The following GALK2 variants were observed in gnomAD, a reference collection of about 807,000 sequenced individuals.
GALK2 encodes galactokinase 2, also known as N-acetylgalactosamine kinase.
A neutral mutation model predicts 52.4 loss-of-function variants in GALK2; 36 were observed. The observed-to-expected ratio is 0.69, with a 90% CI of 0.53 to 0.91. The LOEUF is 0.91. Ranked by LOEUF, GALK2 falls within the 40% of genes least tolerant of loss-of-function variation. The pLI, the probability that GALK2 is intolerant of heterozygous loss-of-function variation, is 0.00. For missense variants in GALK2, 579 were observed against 559.1 expected (o/e 1.04, Z -0.36); for synonymous variants, 176 against 199.1 (o/e 0.88, Z 0.98).
At chr15:49,156,840 A>G (rs2084472811) in intron 1 of GALK2, 4 of 728,356 alleles carry the variant, frequency 5.5e-6, no homozygotes, top group South Asian at 4.5e-5. Context: ...AAAGCAATAC[A>G]ATCAAAATGA....
intron 3 of GALK2, among the ~76,000 whole-genome samples, chr15:49,221,653 G>A (rs2089800612): frequency 6.6e-6 from 1 of 151,512 alleles, no homozygotes; most frequent in Admixed American, 6.6e-5. Flanking sequence ...GGCAACAAGA[G>A]CAAAATCTCT....
At chr15:49,234,015 T>C (rs1314119408) in intron 3 of GALK2, among the ~76,000 whole-genome samples, 2 of 152,214 alleles carry the variant, frequency 1.3e-5, no homozygotes, top group South Asian at 2.1e-4. Flanking sequence ...TTAAAAGAGA[T>C]AATGTATCCA....
At chr15:49,181,307 C>T (rs2085951131) in intron 1 of GALK2, among the ~76,000 whole-genome samples, 1 of 151,406 alleles carries the variant, frequency 6.6e-6, no homozygotes, top group African/African-American at 2.4e-5. Context: ...TGGGGTTTTG[C>T]CTTGTTGCCC....
chr15:49,268,241 G>A (rs2092421492), intron 5 of GALK2, among the ~76,000 whole-genome samples: 1 of 152,224 alleles, frequency 6.6e-6, no homozygotes, highest in Non-Finnish European at 1.5e-5. Context: ...TACACAGATT[G>A]TGATAAATGT....
At chr15:49,181,697 A>C (rs2085983513) in intron 1 of GALK2, among the ~76,000 whole-genome samples, 1 of 151,816 alleles carries the variant, frequency 6.6e-6, no homozygotes, top group South Asian at 2.1e-4. Flanking sequence ...TTTAAAAAAA[A>C]TAGTTTTTTA....
At position 49,328,615 on chromosome 15, in the gene GALK2, A is replaced by C. The variant is rs1420319558; in HGVS notation, c.*456A>C. On this transcript the variant is annotated 3_prime_UTR_variant, in exon 10 of 10. Transcript: ENST00000560031. ...TTGTAGTTGTCTGTTGATGATGGTG[A>C]TGATGATGATGATGACGATAGTGAT... is the stretch of plus-strand genomic sequence containing the variant. 2 of 1,560,176 alleles carry C rather than the reference A, an allele frequency of 1.3e-6. No homozygotes were observed. Among genetic ancestry groups the C allele is most frequent in the African/African-American group, 1.4e-5 (1 of 73,984 alleles).
intron 3 of GALK2, chr15:49,353,965 T>A (rs1429958030): frequency 2.0e-5 from 3 of 152,204 alleles, no homozygotes; most frequent in Admixed American, 2.0e-4. Context: ...AAATGTGTGT[T>A]CATGTGATGA....
rs764970657 is a variant in GALK2 at position 49,283,671 on chromosome 15, A to C, written c.709A>C (p.Thr237Pro). ...NSCVEMNKAA[T>P]SHFNIRVMEC... The stretch of plus-strand genomic sequence containing the variant: ...TTGTGTGGAGATGAATAAGGCAGCA[A>C]CTTCCCATTTCAATATCAGGGTGAT... Residue 237 changes from threonine (T) to proline (P), a missense_variant, in exon 7 of 10, where the codon ACT becomes CCT. By Grantham distance (38) the Thr-to-Pro change is conservative (BLOSUM62 -1). Coordinates refer to ENST00000560031, the MANE Select transcript of GALK2 (RefSeq NM_002044.4). 1 of 1,614,104 alleles carries C rather than the reference A, an allele frequency of 6.2e-7. No individual in the cohort carries two copies. The highest frequency in any genetic ancestry group is 8.5e-7 in the Non-Finnish European group (1 of 1,179,958).
At chr15:49,202,128 C>T (rs932960541) in intron 2 of GALK2, among the ~76,000 whole-genome samples, 3 of 152,240 alleles carry the variant, frequency 2.0e-5, no homozygotes, top group Admixed American at 6.5e-5. Flanking sequence ...CTCAGCCTCC[C>T]GAGTAGCTGG....
intron 7 of GALK2, among the ~76,000 whole-genome samples, chr15:49,287,646 C>A: frequency 6.6e-6 from 1 of 152,280 alleles, no homozygotes; most frequent in Middle Eastern, 3.4e-3. Context: ...CTCAATCTGA[C>A]CAAACTTTCT....
At chr15:49,336,334 T>C (rs1399412217), downstream of GALK2, among the ~76,000 whole-genome samples, 2 of 152,236 alleles carry the variant, frequency 1.3e-5, no homozygotes, top group Non-Finnish European at 2.9e-5. Context: ...CCTTAACCCA[T>C]GCCTGATCTG....
At position 49,331,754 on chromosome 15, in the gene GALK2, C is replaced by G; in HGVS notation, c.*3595C>G. ...TAAAAGAAGCTAGAGAGAGAATTCT[C>G]AATTATTTTCAGAAAGAAAACCTAC... On this transcript the variant is annotated 3_prime_UTR_variant, in exon 10 of 10. Transcript: ENST00000560031. 2.9e-6 allele frequency: 4 copies of G among 1,393,576 alleles called. No homozygotes were observed. The highest frequency in any genetic ancestry group is 4.1e-6 in the Non-Finnish European group (4 of 979,500). The allele number at this position is 1,393,576 out of a possible 1,614,324, so 86.3% of individuals were successfully genotyped here.
chr15:49,295,203 G>T (rs1028230727), intron 8 of GALK2, among the ~76,000 whole-genome samples: 1 of 151,676 alleles, frequency 6.6e-6, no homozygotes, highest in African/African-American at 2.4e-5. Flanking sequence ...GAAAGGAAGG[G>T]AAGAAGAAAA....
At chr15:49,309,536 T>TA (rs1259364775) in intron 8 of GALK2, among the ~76,000 whole-genome samples, 20 of 152,302 alleles carry the variant, frequency 1.3e-4, no homozygotes, top group Admixed American at 3.9e-4. Flanking sequence ...CAAGTCAAGA[T>TA]AATTAGGCTA....
chr15:49,205,585 T>C (rs2088211734), intron 2 of GALK2, among the ~76,000 whole-genome samples: 1 of 152,240 alleles, frequency 6.6e-6, no homozygotes, highest in East Asian at 1.9e-4. Flanking sequence ...ATGGTTTGTT[T>C]TTTTCTTACT....
chr15:49,327,720 C>G, intron 9 of GALK2: 1 of 390,582 alleles, frequency 2.6e-6, no homozygotes, highest in South Asian at 5.8e-5. Flanking sequence ...GTACTGTTGA[C>G]TTACCACTTG....
intron 3 of GALK2, among the ~76,000 whole-genome samples, chr15:49,337,370 T>G (rs2039898061): frequency 6.6e-6 from 1 of 152,166 alleles, no homozygotes; most frequent in Non-Finnish European, 1.5e-5. Context: ...TTTGACTTTT[T>G]AATAATAGTC....
chr15:49,217,368 A>G (rs964280550), intron 3 of GALK2, 55 bp downstream of exon 3: 2 of 1,569,606 alleles, frequency 1.3e-6, no homozygotes, highest in African/African-American at 2.7e-5. Flanking sequence ...TTGTACCCAA[A>G]TGAACTCTTT....
At chr15:49,297,814 T>C (rs1348523008) in intron 8 of GALK2, among the ~76,000 whole-genome samples, 1 of 152,180 alleles carries the variant, frequency 6.6e-6, no homozygotes. Context: ...GCTGTTTTGG[T>C]TACTGTAGCC....
Sources: allele counts gnomAD v4.1 joint callset (sites outside exome capture counted in the v4.1 genomes callset), GRCh38; gene constraint gnomAD v4.1.1; transcripts MANE v1.5; gene names NCBI Gene and HGNC (gene_info 2026-07-23, HGNC 2026-07-21).